Variants in USH2A observed in about 807,000 individuals in gnomAD.
The protein encoded by USH2A is usherin, also known as Usher syndrome 2A (autosomal recessive, mild).
In USH2A, 443 loss-of-function variants were observed where a neutral mutation model predicts 538.9. The ratio of observed to expected loss-of-function variants is 0.82; its 90% CI spans 0.76 to 0.89. USH2A has a LOEUF of 0.89. Among genes scored for constraint, USH2A ranks in the 40% least tolerant of loss-of-function variants. The pLI is 0.00. For missense variants in USH2A, 6,633 were observed against 6,324.8 expected (o/e 1.05, Z -1.65); for synonymous variants, 2,413 against 2,273.5 (o/e 1.06, Z -1.75).
chr1:216,078,138 T>C lies in USH2A; in HGVS notation c.5523A>G (p.Gly1841=), dbSNP rs1300281271. The stretch of plus-strand genomic sequence containing the variant: ...AAGAGTTCAGCAGTTCCTGTGGGAT[T>C]CCTCCCACATAAACTGGTGAATTCA... The part of the protein sequence containing the change: ...LVVNSPVYVG[G]IPQELLNSYQ... Residue 1841 remains glycine (G), a synonymous_variant, in exon 27 of 72, where the codon GGA becomes GGG. Transcript: ENST00000307340. 2.5e-6 allele frequency: 4 copies of C among 1,613,564 alleles called. No individual in the cohort carries two copies. The highest frequency in any genetic ancestry group is 3.4e-6 in the Non-Finnish European group (4 of 1,179,752).
rs543018119 is a variant in USH2A at position 215,686,071 on chromosome 1, C to A, written c.12067-5695G>T. Among the ~76,000 whole-genome samples the A allele has an allele frequency of 2.2e-4, 33 of 152,240 alleles. No homozygotes were observed. In the South Asian group the frequency reaches 2.3e-3, roughly 11 times the overall value. ...GACACAGCTGCCAAAATGCTCAGTG[C>A]AAACATTTAGCAGTTTCTCAGCAGC... On this transcript the variant is annotated intron_variant, in intron 61 of 71. Transcript: ENST00000307340.
intron 46 of USH2A, among the ~76,000 whole-genome samples, chr1:215,839,706 A>C (rs1451926116): frequency 6.6e-6 from 1 of 152,184 alleles, no homozygotes; most frequent in Non-Finnish European, 1.5e-5. Flanking sequence ...CCCAGTCTCC[A>C]TTTTGGGACC....
chr1:216,265,651 TC>T (rs1269979461), intron 11 of USH2A, among the ~76,000 whole-genome samples: 41 of 135,338 alleles, frequency 3.0e-4, no homozygotes, highest in African/African-American at 9.7e-4. Flanking sequence ...TATATATATA[TC>T]ATATATCACA....
In USH2A at chr1:216,008,426, C is replaced by T. The variant is rs186903361; in HGVS notation, c.6326-7864G>A. ...CTTTACCTACCCAAATCCTATAAAA[C>T]GGCCCCACCCCTATCTCCCTTCGCT... On this transcript the variant is annotated intron_variant, in intron 32 of 71. Coordinates refer to ENST00000307340, the MANE Select transcript of USH2A (RefSeq NM_206933.4). 4.0e-4 allele frequency among the ~76,000 whole-genome samples: 61 copies of T among 151,900 alleles called. No individual in the cohort carries two copies. In the East Asian group the frequency reaches 0.01, roughly 25 times the overall value.
At chr1:215,881,291 C>G (rs566631087) in intron 41 of USH2A, among the ~76,000 whole-genome samples, 141 of 152,294 alleles carry the variant, frequency 9.3e-4, no homozygotes, top group African/African-American at 3.2e-3. Flanking sequence ...TACGCGTGTG[C>G]TACCACACCC....
In USH2A at chr1:216,217,438, C is replaced by T; in HGVS notation, c.3106G>A (p.Val1036Ile). 6.2e-7 allele frequency: 1 copy of T among 1,613,244 alleles called. No individual in the cohort carries two copies. The highest frequency in any genetic ancestry group is 8.5e-7 in the Non-Finnish European group (1 of 1,179,496). ...ACATCCAAGTGGCTTGCACTGGGAA[C>T]ACAAGCATCACACTTTGAGCCAGTG... ...FVTGSKCDACVPSASHLDVNN... is the reference protein window; with the variant it reads ...FVTGSKCDACIPSASHLDVNN... Residue 1036 changes from valine to isoleucine, a missense_variant, in exon 15 of 72, where the codon GTT becomes ATT. Physicochemically the swap from Val to Ile is conservative, Grantham distance 29 (BLOSUM62 3). Coordinates refer to ENST00000307340, the MANE Select transcript of USH2A (RefSeq NM_206933.4).
chr1:216,414,574 T>C (rs2039546436), intron 3 of USH2A, among the ~76,000 whole-genome samples: 1 of 152,098 alleles, frequency 6.6e-6, no homozygotes, highest in South Asian at 2.1e-4. Flanking sequence ...CTGATACAAG[T>C]GAACTGTCTG....
rs570610985 is a variant in USH2A, at chr1:215,999,709, A to T, written c.6486-651T>A. ...TGAGTCGTGGGAAATCTTTTTGGCT[A>T]AGTAACGTGGCTTGGCTTAGGGGCA... On this transcript the variant is annotated intron_variant, in intron 33 of 71. Coordinates refer to ENST00000307340, the MANE Select transcript of USH2A (RefSeq NM_206933.4). Among the ~76,000 whole-genome samples the T allele has an allele frequency of 3.9e-5, 6 of 152,264 alleles. No homozygotes were observed. The East Asian group carries it at 1.2e-3, about 29-fold the overall frequency.
chr1:216,154,792 C>T (rs1429865830), intron 21 of USH2A, among the ~76,000 whole-genome samples: 1 of 152,180 alleles, frequency 6.6e-6, no homozygotes, highest in Non-Finnish European at 1.5e-5. Flanking sequence ...TATTTCATCA[C>T]ATACATATAC....
rs1553268562 is a variant in USH2A, at chr1:215,845,823, C to T, written c.9055+1G>A. 1.2e-6 allele frequency: 2 copies of T among 1,613,198 alleles called. No individual in the cohort carries two copies. Among genetic ancestry groups the T allele is most frequent in the Middle Eastern group, 1.7e-4 (1 of 5,876 alleles). Reference sequence around the variant, plus strand: ...AAATATCCTTTAGAATCTGGACTCACCCCCATCGCAAGTGGTTGCATGAAG... The same window carrying T: ...AAATATCCTTTAGAATCTGGACTCATCCCCATCGCAAGTGGTTGCATGAAG... On this transcript the variant is annotated splice_donor_variant, in intron 45 of 71. Coordinates refer to ENST00000307340, the MANE Select transcript of USH2A (RefSeq NM_206933.4). LOFTEE classifies it high-confidence loss of function.
At chr1:216,182,333 T>G (rs1473796954) in intron 20 of USH2A, among the ~76,000 whole-genome samples, 2 of 152,070 alleles carry the variant, frequency 1.3e-5, no homozygotes, top group Non-Finnish European at 2.9e-5. Flanking sequence ...GTTGTTTTAA[T>G]GACTTATAGG....
intron 71 of USH2A, among the ~76,000 whole-genome samples, chr1:215,627,345 C>G (rs924660111): frequency 6.6e-6 from 1 of 151,850 alleles, no homozygotes; most frequent in African/African-American, 2.4e-5. Context: ...GGTTATGTTT[C>G]TTTTCTTTTC....
chr1:215,784,725 T>C (rs1340458972), intron 52 of USH2A, among the ~76,000 whole-genome samples: 2 of 152,338 alleles, frequency 1.3e-5, no homozygotes, highest in Non-Finnish European at 1.5e-5. Context: ...GCTGAACATC[T>C]TTCATGAAAA....
chr1:216,132,575 C>T (rs1337262606), intron 21 of USH2A, among the ~76,000 whole-genome samples: 1 of 152,076 alleles, frequency 6.6e-6, no homozygotes, highest in Non-Finnish European at 1.5e-5. Context: ...AGTTCCCACA[C>T]TTAGCCATCA....
At chr1:215,677,092 T>A (rs2102668781) in intron 62 of USH2A, among the ~76,000 whole-genome samples, 1 of 152,320 alleles carries the variant, frequency 6.6e-6, no homozygotes, top group Non-Finnish European at 1.5e-5. Context: ...CATAACCACA[T>A]CGTTCACTGA....
chr1:215,685,636 G>A (rs1248774721), intron 61 of USH2A, among the ~76,000 whole-genome samples: 1 of 152,022 alleles, frequency 6.6e-6, no homozygotes, highest in East Asian at 1.9e-4. Context: ...GGGATTACAG[G>A]CATGAGCCAC....
chr1:215,676,803 C>T (rs1433521607), intron 62 of USH2A, among the ~76,000 whole-genome samples: 3 of 152,110 alleles, frequency 2.0e-5, no homozygotes, highest in African/African-American at 7.2e-5. Flanking sequence ...CCTTGCTGCC[C>T]CTGATATTCA....
chr1:215,880,143 A>G (rs1272052499), intron 41 of USH2A, among the ~76,000 whole-genome samples: 1 of 152,208 alleles, frequency 6.6e-6, no homozygotes, highest in Non-Finnish European at 1.5e-5. Context: ...ACAGGTTTCT[A>G]CAAGGTGACA....
At chr1:215,912,980 T>C (rs577148419) in intron 38 of USH2A, among the ~76,000 whole-genome samples, 8 of 152,280 alleles carry the variant, frequency 5.3e-5, no homozygotes, top group African/African-American at 1.9e-4. Flanking sequence ...TTTGTGATTG[T>C]GCTAAGTGCC....
Sources: gnomAD v4.1 joint callset for allele counts (sites outside exome capture counted in the v4.1 genomes callset) on GRCh38, gnomAD v4.1.1 for gene constraint, MANE v1.5 for transcripts, NCBI Gene and HGNC (gene_info 2026-07-23, HGNC 2026-07-21) for gene names.